The following SCRN1 variants were observed in gnomAD, a reference collection of about 807,000 sequenced individuals.
The protein encoded by SCRN1 is secernin 1.
A neutral mutation model predicts 43.3 loss-of-function variants in SCRN1; 19 were observed. The observed-to-expected ratio is 0.44, with a 90% CI of 0.31 to 0.64. The LOEUF (loss-of-function observed/expected upper bound fraction) is 0.64, where lower values mean the gene tolerates loss of function less well. Ranked by LOEUF, SCRN1 falls within the 30% of genes least tolerant of loss-of-function variation. SCRN1 has a pLI of 0.09. For synonymous variants in SCRN1, 183 were observed against 188.9 expected (o/e 0.97, Z 0.26); for missense variants, 447 against 524.1 (o/e 0.85, Z 1.44).
Position 29,950,272 on chromosome 7 carries a change from GCACATGCTTAGGGTGGTGCTGA to G in SCRN1, c.341+4885_341+4906del, listed in dbSNP as rs1787877036. 6.6e-6 allele frequency among the ~76,000 whole-genome samples: 1 copy of G among 152,240 alleles called. No individual in the cohort carries two copies. The highest frequency in any genetic ancestry group is 2.4e-5 in the African/African-American group (1 of 41,468). ...GTGCTATTGCAACCTGGCTGGGTGT[GCACATGCTTAGGGTGGTGCTGA>G]CACACCAGCCCCCTGCCGCCTCGGG... is the stretch of plus-strand genomic sequence containing the variant. On this transcript the variant is annotated intron_variant, in intron 3 of 7. Transcript: ENST00000242059. This position sits in a 1 kb window ranked among gnomAD's most constrained non-coding sequence, Gnocchi z 4.5.
intron 6 of SCRN1, among the ~76,000 whole-genome samples, chr7:29,933,086 G>T (rs1340878306): frequency 2.0e-5 from 3 of 151,942 alleles, no homozygotes; most frequent in Non-Finnish European, 4.4e-5. Flanking sequence ...CGCCATGTTG[G>T]CCAGGCTGGT....
chr7:29,961,403 C>T (rs1788305212), intron 2 of SCRN1, among the ~76,000 whole-genome samples: 1 of 121,898 alleles, frequency 8.2e-6, no homozygotes, highest in South Asian at 3.2e-4. Context: ...CACAGATCAA[C>T]AGGATCCCAA....
At chr7:29,952,683 T>TAA (rs34125711) in intron 3 of SCRN1, among the ~76,000 whole-genome samples, 3 of 108,578 alleles carry the variant, frequency 2.8e-5, no homozygotes, top group East Asian at 2.5e-4. Flanking sequence ...AAGACTTGTC[T>TAA]AAAAAAAAAA....
At chr7:29,924,602 G>A (rs1786880258) in intron 7 of SCRN1, among the ~76,000 whole-genome samples, 1 of 152,146 alleles carries the variant, frequency 6.6e-6, no homozygotes, top group South Asian at 2.1e-4. Context: ...TGCCATGGGC[G>A]CTGTCTCCCA....
At chr7:29,927,554 C>T (rs1053017976) in intron 6 of SCRN1, among the ~76,000 whole-genome samples, 72 of 152,274 alleles carry the variant, frequency 4.7e-4, no homozygotes, top group Middle Eastern at 3.4e-3. Context: ...GGCACCTCTG[C>T]GTCCCAAGGA....
chr7:29,983,449 T>C (rs1789056108), intron 1 of SCRN1, among the ~76,000 whole-genome samples: 1 of 149,410 alleles, frequency 6.7e-6, no homozygotes, highest in Admixed American at 6.7e-5. Context: ...ACTTGAAGTA[T>C]AATTAAAAAA....
At chr7:29,978,708 G>GC (rs1788905316) in intron 1 of SCRN1, among the ~76,000 whole-genome samples, 1 of 152,192 alleles carries the variant, frequency 6.6e-6, no homozygotes, top group Admixed American at 6.5e-5. Flanking sequence ...AAAGTAATCT[G>GC]TTATCCAATT....
chr7:29,969,587 G>A (rs1185033051), intron 1 of SCRN1, among the ~76,000 whole-genome samples: 1 of 152,136 alleles, frequency 6.6e-6, no homozygotes, highest in Non-Finnish European at 1.5e-5. Flanking sequence ...ACTCCACCTC[G>A]ATGACATAAC....
chr7:29,941,115 C>T (rs1257117039), intron 4 of SCRN1, among the ~76,000 whole-genome samples: 1 of 152,182 alleles, frequency 6.6e-6, no homozygotes, highest in East Asian at 1.9e-4. Flanking sequence ...AGTCACTTAA[C>T]CCATCTTAAA....
chr7:29,939,103 T>A (rs1430090708), intron 5 of SCRN1, among the ~76,000 whole-genome samples: 2 of 152,224 alleles, frequency 1.3e-5, no homozygotes, highest in African/African-American at 4.8e-5. Context: ...TAAAAGCTCC[T>A]GTTTAAAAGT....
intron 3 of SCRN1, among the ~76,000 whole-genome samples, chr7:29,953,686 A>C (rs1036450130): frequency 2.0e-5 from 3 of 152,208 alleles, no homozygotes; most frequent in African/African-American, 7.2e-5. Flanking sequence ...AATGAGGAAC[A>C]GTAAGGAAAG....
At chr7:29,981,728 G>A (rs1788997243) in intron 1 of SCRN1, among the ~76,000 whole-genome samples, 1 of 152,192 alleles carries the variant, frequency 6.6e-6, no homozygotes, top group African/African-American at 2.4e-5. Context: ...CTGAGGAAGG[G>A]AGGACAGCTA....
intron 1 of SCRN1, among the ~76,000 whole-genome samples, chr7:29,988,375 T>C (rs1789231259): frequency 6.6e-6 from 1 of 152,156 alleles, no homozygotes; most frequent in South Asian, 2.1e-4. Flanking sequence ...GAAAAATAAT[T>C]ACAGCTCTCC....
Position 29,920,246 on chromosome 7 carries a change from G to A in SCRN1, c.*3711C>T, listed in dbSNP as rs1009405399. ...GACTACATGGCCAGTTCCCACTGCA[G>A]GAAACAGAATGATTTTCTTTTTTTT... On this transcript the variant is annotated 3_prime_UTR_variant, in exon 8 of 8. Coordinates refer to ENST00000242059, the MANE Select transcript of SCRN1 (RefSeq NM_014766.5). The A allele has an allele frequency of 1.3e-5, 2 of 152,552 alleles. No individual in the cohort carries two copies. Among genetic ancestry groups the A allele is most frequent in the Non-Finnish European group, 2.9e-5 (2 of 68,022 alleles). 9.4% of individuals were successfully genotyped at this position (152,552 alleles called of 1,614,324 possible). A position where few individuals can be genotyped will look rare whatever the true frequency, so the allele number is the denominator to read the frequency against.
At chr7:29,988,040 G>T (rs534422240) in intron 1 of SCRN1, among the ~76,000 whole-genome samples, 22 of 151,972 alleles carry the variant, frequency 1.4e-4, no homozygotes, top group Non-Finnish European at 2.2e-4. Context: ...GGAAAGAAAG[G>T]CTGTTTAAAA....
intron 2 of SCRN1, among the ~76,000 whole-genome samples, chr7:29,967,583 C>T (rs1047979205): frequency 2.0e-5 from 3 of 152,020 alleles, no homozygotes; most frequent in Admixed American, 6.6e-5. Flanking sequence ...CTATATAAAT[C>T]TCAATCCCAA....
At chr7:29,963,139 T>C (rs1173008194) in intron 2 of SCRN1, among the ~76,000 whole-genome samples, 2 of 152,134 alleles carry the variant, frequency 1.3e-5, no homozygotes, top group African/African-American at 2.4e-5. Flanking sequence ...CTAAAGCCTG[T>C]AATGCAGGCA....
chr7:29,979,918 C>G (rs1437798012), intron 1 of SCRN1, among the ~76,000 whole-genome samples: 2 of 152,180 alleles, frequency 1.3e-5, no homozygotes, highest in Non-Finnish European at 2.9e-5. Flanking sequence ...AATTTTCCTT[C>G]TTTCATAGAA....
intron 4 of SCRN1, among the ~76,000 whole-genome samples, chr7:29,942,975 G>T (rs1002831575): frequency 6.6e-6 from 1 of 152,110 alleles, no homozygotes; most frequent in African/African-American, 2.4e-5. Flanking sequence ...TACTGTGGTA[G>T]ATCTTCCGCT....
Sources: gnomAD v4.1 joint callset for allele counts (sites outside exome capture counted in the v4.1 genomes callset) on GRCh38, gnomAD v4.1.1 for gene constraint, Gnocchi (gnomAD v3.1) non-coding constraint, MANE v1.5 for transcripts, NCBI Gene and HGNC (gene_info 2026-07-23, HGNC 2026-07-21) for gene names.